Variants in TNK2 observed in about 807,000 individuals in gnomAD.
TNK2 encodes the protein tyrosine kinase non receptor 2.
In TNK2, 83 loss-of-function variants were observed where a neutral mutation model predicts 101.8. The observed-to-expected ratio is 0.82, with a 90% CI of 0.68 to 0.98. The LOEUF (loss-of-function observed/expected upper bound fraction) is 0.98. Among genes scored for constraint, TNK2 ranks in the 50% least tolerant of loss-of-function variants. TNK2 has a pLI of 0.00. For missense variants in TNK2, 1,665 were observed against 1,483.2 expected (o/e 1.12, Z -2.01); for synonymous variants, 804 against 633.0 (o/e 1.27, Z -4.06).
In TNK2 at chr3:195,882,440, C is replaced by A; in HGVS notation, c.610-112G>T. On this transcript the variant is annotated intron_variant, in intron 5 of 15. Coordinates refer to ENST00000672887, the MANE Select transcript of TNK2 (RefSeq NM_001382273.1). The surrounding 1 kb of genome is among the most constrained non-coding windows in gnomAD (Gnocchi z 4.2). ...GAAGGCTTTCCAGAGCCAGGCTGCACGCACCTTCCTGGCCTGCTGTCTGGG... is the reference window on the plus strand; with the variant it reads ...GAAGGCTTTCCAGAGCCAGGCTGCAAGCACCTTCCTGGCCTGCTGTCTGGG... 2.6e-6 allele frequency: 4 copies of A among 1,559,462 alleles called. No homozygotes were observed. The highest frequency in any genetic ancestry group is 3.5e-6 in the Non-Finnish European group (4 of 1,152,676).
intron 6 of TNK2, 63 bp downstream of exon 6, chr3:195,881,988 C>T (rs1210259848): frequency 1.3e-6 from 2 of 1,553,456 alleles, no homozygotes; most frequent in Non-Finnish European, 1.7e-6. Flanking sequence ...GTCCAGAAAG[C>T]CCCAGAAGCT....
Position 195,868,057 on chromosome 3 carries a change from C to A in TNK2, c.2241G>T (p.Gly747=). The A allele has an allele frequency of 1.2e-6, 2 of 1,601,626 alleles. No homozygotes were observed. Among genetic ancestry groups the A allele is most frequent in the Non-Finnish European group, 1.7e-6 (2 of 1,176,360 alleles). ...GAGGCACCTGGGGCTTGTCGTCACC[C>A]CCCGGGCTGGGAGAGGGGGCCGGGG... The part of the protein sequence containing the change: ...AGSPAPSPSP[G]GDDKPQVPPR... The change falls in exon 13 of 16, where the codon GGG becomes GGT. Residue 747 remains glycine, a synonymous_variant. Transcript: ENST00000672887.
At chr3:195,889,496 C>CT (rs1757492811) in intron 1 of TNK2, among the ~76,000 whole-genome samples, 1 of 151,764 alleles carries the variant, frequency 6.6e-6, no homozygotes, top group African/African-American at 2.4e-5. Context: ...TCTGCGGACG[C>CT]TTCAGACTCT....
chr3:195,875,925 C>G (rs757100677), intron 9 of TNK2, among the ~76,000 whole-genome samples: 22 of 152,204 alleles, frequency 1.4e-4, no homozygotes, highest in Non-Finnish European at 2.4e-4. Context: ...ACGTTCCCGT[C>G]CGGGCCGAAG....
chr3:195,905,759 C>G (rs992128286), intron 1 of TNK2, among the ~76,000 whole-genome samples: 4 of 152,006 alleles, frequency 2.6e-5, no homozygotes, highest in African/African-American at 7.2e-5. Flanking sequence ...GACATGACAC[C>G]AAAAATGCAA....
Position 195,872,273 on chromosome 3 carries a change from C to T in TNK2, c.1451+3G>A, listed in dbSNP as rs1352502355. 2 of 1,613,198 alleles carry T rather than the reference C, an allele frequency of 1.2e-6. No individual in the cohort carries two copies. The highest frequency in any genetic ancestry group is 2.2e-5 in the South Asian group (2 of 91,076). ...TCAGCATCCATCCCCGCCCAGTACT[C>T]ACTCGTCAATCCTGTCCGGGAAGCC... On this transcript the variant is annotated splice_donor_region_variant and intron_variant, in intron 10 of 15. Transcript: ENST00000672887.
chr3:195,892,620 C>T (rs1759038401), intron 1 of TNK2: 1 of 1,443,904 alleles, frequency 6.9e-7, no homozygotes. Context: ...GGGGTGGGCC[C>T]CTCCGCTCTG....
At chr3:195,865,660 C>G (rs1180025280) in intron 15 of TNK2, among the ~76,000 whole-genome samples, 3 of 146,750 alleles carry the variant, frequency 2.0e-5, no homozygotes, top group Non-Finnish European at 4.5e-5. Context: ...ACAGGTGACA[C>G]AGAGTGCCTG....
chr3:195,904,636 G>GT (rs1761548791), intron 1 of TNK2, among the ~76,000 whole-genome samples: 1 of 152,108 alleles, frequency 6.6e-6, no homozygotes, highest in Admixed American at 6.5e-5. Flanking sequence ...CAGTATGAAT[G>GT]TATTTACCAC....
At position 195,888,304 on chromosome 3, in the gene TNK2, C is replaced by A; in HGVS notation, c.163+122G>T. On this transcript the variant is annotated intron_variant, in intron 2 of 15. Transcript: ENST00000672887. This position sits in a 1 kb window ranked among gnomAD's most constrained non-coding sequence, Gnocchi z 5.3. ...TCACACATCAGCACCTACTGATGTC[C>A]CTCCTGCTCCCTCAGGGCTCTGGGA... 1 of 1,042,512 alleles carries A rather than the reference C, an allele frequency of 9.6e-7. No individual in the cohort carries two copies. The highest frequency in any genetic ancestry group is 1.4e-6 in the Non-Finnish European group (1 of 707,340). 64.6% of individuals were successfully genotyped at this position (1,042,512 alleles called of 1,614,324 possible). A position where few individuals can be genotyped will look rare whatever the true frequency, so the allele number is the denominator to read the frequency against.
At chr3:195,869,962 C>T in intron 11 of TNK2, 152 bp downstream of exon 11, 1 of 641,790 alleles carries the variant, frequency 1.6e-6, no homozygotes, top group South Asian at 2.4e-5. Context: ...ACCCCACGCC[C>T]AGCCGGAGCC....
Position 195,880,323 on chromosome 3 carries a change from C to T in TNK2, c.888-1148G>A, listed in dbSNP as rs548984901. Among the ~76,000 whole-genome samples the T allele has an allele frequency of 1.5e-4, 23 of 152,244 alleles. No individual in the cohort carries two copies. In the South Asian group the frequency reaches 3.1e-3, roughly 21 times the overall value. On this transcript the variant is annotated intron_variant, in intron 6 of 15. Coordinates refer to ENST00000672887, the MANE Select transcript of TNK2 (RefSeq NM_001382273.1). ...TGCTTACCAACGAGTCTTTCCCTGG[C>T]GAACTTCCCTGATGTTTTAGGAAAC...
intron 15 of TNK2, 119 bp from the exon 16 acceptor site, chr3:195,864,306 G>C: frequency 8.8e-7 from 1 of 1,142,514 alleles, no homozygotes; most frequent in Non-Finnish European, 1.3e-6. Context: ...CCCCGGCAAG[G>C]ACTGTAAAAT....
intron 1 of TNK2, among the ~76,000 whole-genome samples, chr3:195,897,252 A>G (rs1046268324): frequency 1.3e-5 from 2 of 152,242 alleles, no homozygotes; most frequent in African/African-American, 4.8e-5. Flanking sequence ...TGCACCAGGC[A>G]ACCCTGCACC....
At chr3:195,893,704 A>AC (rs1342255811) in intron 1 of TNK2, among the ~76,000 whole-genome samples, 1 of 149,692 alleles carries the variant, frequency 6.7e-6, no homozygotes, top group Non-Finnish European at 1.5e-5. Flanking sequence ...CTCCCCAGGC[A>AC]CCCCCCTCCC....
At chr3:195,896,984 G>A (rs188770971) in intron 1 of TNK2, among the ~76,000 whole-genome samples, 4 of 152,282 alleles carry the variant, frequency 2.6e-5, no homozygotes, top group Admixed American at 2.0e-4. Context: ...CGTATTCTCA[G>A]GAATATATGC....
chr3:195,874,175 T>G (rs866766357), intron 9 of TNK2, among the ~76,000 whole-genome samples: 2 of 152,092 alleles, frequency 1.3e-5, no homozygotes, highest in Non-Finnish European at 2.9e-5. Context: ...TCTCCACACC[T>G]CTTCAGAGGC....
At chr3:195,871,969 T>TGGAGAACCCACCCC (rs1745695864) in intron 10 of TNK2, among the ~76,000 whole-genome samples, 1 of 123,428 alleles carries the variant, frequency 8.1e-6, no homozygotes, top group Non-Finnish European at 1.7e-5. Context: ...AACCCTCCCC[T>TGGAGAACCCACCCC]GGAGAACCCT....
rs1455051271 is a variant in TNK2 at position 195,869,518 on chromosome 3, G to A, written c.1567C>T (p.Gln523Ter). Residue 523 changes from glutamine (Q) to a stop codon, truncating the protein, a stop_gained, in exon 12 of 16, where the codon CAG becomes TAG. Transcript: ENST00000672887. LOFTEE classifies it high-confidence loss of function. ...TTACTCTGAGTGAAGAAGGCAGGCT[G>A]AGGTGGGCGAGGTGGAGGCTCCCCT... ...VKREPPPRPPQPAFFTQKPTY... is the reference protein window; with the variant it reads ...VKREPPPRPP 3 of 1,551,060 alleles carry A rather than the reference G, an allele frequency of 1.9e-6. No homozygotes were observed. Among genetic ancestry groups the A allele is most frequent in the South Asian group, 1.2e-5 (1 of 84,054 alleles).
Sources: gnomAD v4.1 joint callset for allele counts (sites outside exome capture counted in the v4.1 genomes callset) on GRCh38, gnomAD v4.1.1 for gene constraint, Gnocchi (gnomAD v3.1) non-coding constraint, MANE v1.5 for transcripts, NCBI Gene and HGNC (gene_info 2026-07-23, HGNC 2026-07-21) for gene names.